The following COL6A5 variants were observed in gnomAD, a reference collection of about 807,000 sequenced individuals.
The protein encoded by COL6A5 is collagen type VI alpha 5 chain.
In COL6A5, 48 loss-of-function variants were observed where a neutral mutation model predicts 65.6. The ratio of observed to expected loss-of-function variants is 0.73; its 90% CI spans 0.58 to 0.93. The LOEUF is 0.93. COL6A5 is among the 40% of genes least tolerant of loss of function. The pLI is 0.00. For missense variants in COL6A5, 914 were observed against 928.3 expected, an observed-to-expected ratio of 0.98 and a Z score of 0.20; for synonymous variants, 291 against 322.8, an observed-to-expected ratio of 0.90 and a Z score of 1.05.
At chr3:130,442,580 G>A (rs773031681) in intron 3 of COL6A5, among the ~76,000 whole-genome samples, 4 of 152,142 alleles carry the variant, frequency 2.6e-5, no homozygotes, top group Non-Finnish European at 5.9e-5. Flanking sequence ...GTTTGTAGGA[G>A]TGAAAAGGCT....
intron 4 of COL6A5, among the ~76,000 whole-genome samples, chr3:130,453,492 C>G (rs1252769266): frequency 6.6e-6 from 1 of 152,096 alleles, no homozygotes; most frequent in African/African-American, 2.4e-5. Flanking sequence ...AAGATCTTAT[C>G]TTGCTGAAGT....
At chr3:130,403,730 A>AC in intron 13 of COL6A5, 68 bp downstream of exon 13, 6 of 901,878 alleles carry the variant, frequency 6.7e-6, no homozygotes, top group East Asian at 3.3e-5. Context: ...CACACACACA[A>AC]ACACACACTT....
intron 1 of COL6A5, among the ~76,000 whole-genome samples, chr3:130,351,557 T>C (rs890578445): frequency 2.0e-5 from 3 of 151,666 alleles, no homozygotes; most frequent in Admixed American, 6.6e-5. Context: ...TGTGAAAAGA[T>C]GTTTGTCATC....
At chr3:130,437,360 T>C (rs1709056176) in intron 1 of COL6A5, among the ~76,000 whole-genome samples, 1 of 152,122 alleles carries the variant, frequency 6.6e-6, no homozygotes, top group Non-Finnish European at 1.5e-5. Flanking sequence ...ATTTGACCAC[T>C]TCATAGTGTC....
intron 7 of COL6A5, among the ~76,000 whole-genome samples, chr3:130,478,603 A>G (rs144317049): frequency 7.6e-4 from 115 of 152,182 alleles, no homozygotes; most frequent in African/African-American, 2.7e-3. Context: ...CACACACACA[A>G]AATGGCACAT....
chr3:130,469,590 A>T (rs1709899997), intron 6 of COL6A5, 109 bp downstream of exon 38: 1 of 855,514 alleles, frequency 1.2e-6, no homozygotes, highest in Admixed American at 2.9e-5. Context: ...AGAGTGGTAG[A>T]GTATAAGTGA....
chr3:130,402,784 TA>T (rs1230521893), intron 12 of COL6A5, among the ~76,000 whole-genome samples: 4 of 152,176 alleles, frequency 2.6e-5, no homozygotes, highest in African/African-American at 9.7e-5. Flanking sequence ...AGTTACTTTA[TA>T]ACAATTAAAC....
chr3:130,431,201 AT>A, upstream of COL6A5: 1 of 678,052 alleles, frequency 1.5e-6, no homozygotes, highest in South Asian at 1.5e-5. Context: ...CACCAATTTC[AT>A]TTTACACAGC....
intron 2 of COL6A5, 65 bp downstream of exon 2, chr3:130,373,770 A>AAACAGCAAGAAATAATTTATTTACT (rs1378469089): frequency 1.1e-6 from 1 of 940,176 alleles, no homozygotes; most frequent in East Asian, 2.7e-5. Flanking sequence ...AAACTTTAAT[A>AAACAGCAAGAAATAATTTATTTACT]AACAGCAAGA....
chr3:130,389,932 GT>G (rs1468700980), intron 6 of COL6A5, among the ~76,000 whole-genome samples: 1 of 152,086 alleles, frequency 6.6e-6, no homozygotes, highest in Non-Finnish European at 1.5e-5. Context: ...GTTTTGTGTT[GT>G]TCCTGTGGCA....
chr3:130,481,271 C>T (rs1710234275), intron 7 of COL6A5, among the ~76,000 whole-genome samples: 1 of 151,198 alleles, frequency 6.6e-6, no homozygotes, highest in Non-Finnish European at 1.5e-5. Context: ...TGTTCAGCTC[C>T]AACTTATGAG....
At chr3:130,461,012 ACT>A (rs1371774200) in intron 5 of COL6A5, among the ~76,000 whole-genome samples, 2 of 151,614 alleles carry the variant, frequency 1.3e-5, no homozygotes, top group African/African-American at 4.8e-5. Context: ...ATATGAAAAG[ACT>A]CTTAAATTTT....
intron 4 of COL6A5, among the ~76,000 whole-genome samples, chr3:130,448,773 T>G (rs2107710562): frequency 6.6e-6 from 1 of 152,334 alleles, no homozygotes; most frequent in Middle Eastern, 3.4e-3. Flanking sequence ...TAGCATTCCC[T>G]GAGGAAGTAC....
intron 3 of COL6A5, 72 bp from the exon 36 acceptor site, chr3:130,443,404 T>C (rs1709231614): frequency 4.3e-6 from 5 of 1,158,230 alleles, no homozygotes; most frequent in East Asian, 4.7e-5. Context: ...AGGATTCCTG[T>C]TGGGATTCTC....
chr3:130,458,219 G>A (rs1026826492), intron 5 of COL6A5, among the ~76,000 whole-genome samples: 13 of 152,014 alleles, frequency 8.6e-5, no homozygotes, highest in Admixed American at 4.6e-4. Context: ...TAAAGCAGCC[G>A]AAGGACAACC....
At chr3:130,394,909 T>A (rs572169215) in exon 8 of COL6A5, 1 of 1,550,678 alleles carries the variant, frequency 6.4e-7, no homozygotes, top group African/African-American at 1.4e-5. Context: ...TTCAGGAAGC[T>A]GACGTGATTT....
intron 7 of COL6A5, among the ~76,000 whole-genome samples, chr3:130,392,585 TTCCTTCCTCCC>T (rs1196541952): frequency 1.3e-5 from 2 of 152,154 alleles, no homozygotes; most frequent in Non-Finnish European, 2.9e-5. Flanking sequence ...TCTTCTTCAC[TTCCTTCCTCCC>T]TCCTTCCTCT....
In COL6A5 at chr3:130,413,589, C is replaced by A. The variant is rs1577484100; in HGVS notation, c.4698+9C>A. The A allele has an allele frequency of 6.5e-7, 1 of 1,548,090 alleles. No homozygotes were observed. The highest frequency in any genetic ancestry group is 8.7e-7 in the Non-Finnish European group (1 of 1,144,090). On this transcript the variant is annotated intron_variant and NMD_transcript_variant, in intron 21 of 41. Transcript: ENST00000312481. ...GACTCCGAGGTGTCTCAGTAAGTAA[C>A]CTTGACTTCCTGTTCTCTGTGGTTG...
chr3:130,381,487 G>A (rs909620698), intron 4 of COL6A5, among the ~76,000 whole-genome samples: 4 of 151,900 alleles, frequency 2.6e-5, no homozygotes, highest in Non-Finnish European at 5.9e-5. Flanking sequence ...GCACAATCAC[G>A]GTTATTTTCT....
Sources: gnomAD v4.1 joint callset for allele counts (sites outside exome capture counted in the v4.1 genomes callset) on GRCh38, gnomAD v4.1.1 for gene constraint, MANE v1.5 for transcripts, NCBI Gene and HGNC (gene_info 2026-07-23, HGNC 2026-07-21) for gene names.